The following BUD23 variants were observed in gnomAD, a reference collection of about 807,000 sequenced individuals.
BUD23 encodes BUD23 rRNA methyltransferase and ribosome maturation factor, also known as 18S rRNA (guanine-N(7))-methyltransferase.
A neutral mutation model predicts 47.0 loss-of-function variants in BUD23; 34 were observed. The ratio of observed to expected loss-of-function variants is 0.72; its 90% CI spans 0.55 to 0.96. The LOEUF (loss-of-function observed/expected upper bound fraction) is 0.96. Among genes scored for constraint, BUD23 ranks in the 40% least tolerant of loss-of-function variants. The pLI, the probability that BUD23 is intolerant of heterozygous loss-of-function variation, is 0.00. For synonymous variants in BUD23, 124 were observed against 132.0 expected (o/e 0.94, Z 0.41); for missense variants, 343 against 361.2 (o/e 0.95, Z 0.41).
At chr7:73,697,460 T>TTA in intron 10 of BUD23, 145 bp from the exon 11 acceptor site, 1 of 1,543,200 alleles carries the variant, frequency 6.5e-7, no homozygotes, top group South Asian at 1.2e-5. Flanking sequence ...GGGAATTGTG[T>TTA]TATAGGGAAG....
chr7:73,687,077 C>G lies in BUD23; in HGVS notation c.344C>G (p.Thr115Arg). The change falls in exon 5 of 12, where the codon ACA (threonine) becomes AGA (arginine). Residue 115 changes from threonine to arginine, a missense_variant. Physicochemically the swap from Thr to Arg is moderately conservative, Grantham distance 71 (BLOSUM62 -1). Coordinates refer to ENST00000265758, the MANE Select transcript of BUD23 (RefSeq NM_017528.5). ...CAGGGCATCCCATTCAAGCCAGGCA[C>G]ATTTGATGGTTGCATCAGGTGAGGG... The part of the protein sequence containing the change: ...MGQGIPFKPG[T>R]FDGCISISAV... The G allele has an allele frequency of 6.2e-7, 1 of 1,613,754 alleles. No homozygotes were observed. Among genetic ancestry groups the G allele is most frequent in the South Asian group, 1.1e-5 (1 of 91,044 alleles).
intron 10 of BUD23, chr7:73,695,543 C>T (rs2116705643): frequency 6.6e-6 from 1 of 152,428 alleles, no homozygotes; most frequent in East Asian, 1.9e-4. Context: ...GCCACTGCGC[C>T]TGGCCTCATC....
intron 2 of BUD23, among the ~76,000 whole-genome samples, chr7:73,684,224 G>A (rs1307099538): frequency 1.3e-5 from 2 of 152,080 alleles, no homozygotes; most frequent in Non-Finnish European, 2.9e-5. Flanking sequence ...TTCATAGAGG[G>A]TAGTTTGTAT....
chr7:73,689,658 G>A (rs1352488613), intron 5 of BUD23, among the ~76,000 whole-genome samples: 1 of 152,076 alleles, frequency 6.6e-6, no homozygotes, highest in Non-Finnish European at 1.5e-5. Flanking sequence ...GTGGGAAAGG[G>A]GTCTGAGATG....
intron 5 of BUD23, among the ~76,000 whole-genome samples, chr7:73,688,747 G>A: frequency 6.6e-6 from 1 of 152,160 alleles, no homozygotes; most frequent in African/African-American, 2.4e-5. Context: ...AGAAAATAGG[G>A]GAGGAAGTTA....
Position 73,694,446 on chromosome 7 carries a change from CT to C in BUD23, c.701+397del, listed in dbSNP as rs1201525116. 8.5e-5 allele frequency: 15 copies of C among 175,778 alleles called. 1 individual carries two copies. The South Asian group carries it at 2.6e-3, about 30-fold the overall frequency. 10.9% of individuals were successfully genotyped at this position (175,778 alleles called of 1,614,324 possible). A position where few individuals can be genotyped will look rare whatever the true frequency, so the allele number is the denominator to read the frequency against. ...TCACTGCTGTCGGCACACAGACATG[CT>C]GCACAATTTCTCCTTTTCTAGAAAA... On this transcript the variant is annotated intron_variant, in intron 10 of 11. Transcript: ENST00000265758.
chr7:73,683,840 G>A (rs1554612247), intron 2 of BUD23, 36 bp downstream of exon 2: 9 of 1,614,162 alleles, frequency 5.6e-6, no homozygotes, highest in Middle Eastern at 1.6e-4. Flanking sequence ...GCGTCCGGGG[G>A]TCGGGAAGCG....
rs1798174293 is a variant in BUD23, at chr7:73,691,007, G to C, written c.454G>C (p.Val152Leu). 7.4e-6 allele frequency: 12 copies of C among 1,613,922 alleles called. No homozygotes were observed. Among genetic ancestry groups the C allele is most frequent in the Non-Finnish European group, 1.0e-5 (12 of 1,179,890 alleles). Reference sequence around the variant, plus strand: ...CTGCTTTTTTGCTTCTCTTTTTTCTGTTCTCGTGAGTATAAGATCTTCTCC... The same window carrying C: ...CTGCTTTTTTGCTTCTCTTTTTTCTCTTCTCGTGAGTATAAGATCTTCTCC... Reference protein sequence around the residue: ...LYCFFASLFSVLVRGSRAVLQ... With the variant: ...LYCFFASLFSLLVRGSRAVLQ... Residue 152 changes from valine (V) to leucine (L), a missense_variant, in exon 6 of 12, where the codon GTT (valine) becomes CTT (leucine). Physicochemically the swap from Val to Leu is conservative, Grantham distance 32 (BLOSUM62 1). Transcript: ENST00000265758.
intron 10 of BUD23, chr7:73,697,231 T>C: frequency 1.8e-6 from 1 of 564,564 alleles, no homozygotes. Context: ...AAGCTCCTGC[T>C]GTGAACTGTC....
chr7:73,694,100 T>G (rs782287795), intron 10 of BUD23, 50 bp downstream of exon 10: 9 of 1,574,218 alleles, frequency 5.7e-6, no homozygotes, highest in Non-Finnish European at 6.9e-6. Context: ...GCTGCCACAT[T>G]TGTTAGACAT....
intron 10 of BUD23, chr7:73,696,762 C>T (rs1798418235): frequency 6.6e-6 from 1 of 152,642 alleles, no homozygotes; most frequent in Non-Finnish European, 1.5e-5. Flanking sequence ...GCCTGTTCCT[C>T]CCTTCCTCCT....
chr7:73,686,524 C>G (rs1298707092), intron 2 of BUD23, 112 bp from the exon 3 acceptor site: 4 of 916,352 alleles, frequency 4.4e-6, no homozygotes, highest in Non-Finnish European at 6.9e-6. Context: ...ATGATTGATC[C>G]GTTTTTTGTT....
rs782098612 is a variant in BUD23 at position 73,683,788 on chromosome 7, C to G, written c.70C>G (p.Arg24Gly). 6.8e-6 allele frequency: 11 copies of G among 1,614,028 alleles called. No individual in the cohort carries two copies. The South Asian group carries it at 1.2e-4, about 18-fold the overall frequency. The part of the protein sequence containing the change: ...PELFYDETEA[R>G]KYVRNSRMID... ...GCAGTTTTATGACGAGACAGAAGCC[C>G]GGAAATACGTTCGCAAGTGAGGGGA... The change falls in exon 2 of 12, where the codon CGG (arginine) becomes GGG (glycine). Residue 24 changes from arginine to glycine, a missense_variant. Physicochemically the swap from Arg to Gly is moderately radical, Grantham distance 125. Transcript: ENST00000265758.
intron 2 of BUD23, 197 bp downstream of exon 2, chr7:73,684,001 G>A: frequency 1.4e-6 from 2 of 1,450,802 alleles, no homozygotes; most frequent in Non-Finnish European, 1.8e-6. Context: ...CAGCGTTGAG[G>A]TAGGGGTGAT....
chr7:73,687,235 C>A, intron 5 of BUD23, 140 bp downstream of exon 5: 1 of 878,700 alleles, frequency 1.1e-6, no homozygotes, highest in Non-Finnish European at 1.7e-6. Context: ...CCACCTCAGT[C>A]TCCTGAGTAG....
At position 73,697,649 on chromosome 7, in the gene BUD23, G is replaced by A. The variant is rs370514850; in HGVS notation, c.746G>A (p.Arg249Gln). ...AGGCGGGGAATGGTGAGGAAGAGTC[G>A]GGCATGGGTGCTGGAGAAGAAGGAG... is the stretch of plus-strand genomic sequence containing the variant. Reference protein sequence around the residue: ...MSRRGMVRKSRAWVLEKKERH... With the variant: ...MSRRGMVRKSQAWVLEKKERH... Residue 249 changes from arginine to glutamine, a missense_variant, in exon 11 of 12, where the codon CGG becomes CAG. Transcript: ENST00000265758. 1.2e-5 allele frequency: 20 copies of A among 1,613,538 alleles called. No homozygotes were observed. The African/African-American group carries it at 1.6e-4, about 13-fold the overall frequency.
At chr7:73,695,012 G>A (rs1446577519) in intron 10 of BUD23, 1 of 152,362 alleles carries the variant, frequency 6.6e-6, no homozygotes, top group Admixed American at 6.5e-5. Flanking sequence ...GTGCAGTGGT[G>A]GAATCTTAGC....
chr7:73,689,684 A>G (rs1371715700), intron 5 of BUD23, among the ~76,000 whole-genome samples: 1 of 152,096 alleles, frequency 6.6e-6, no homozygotes, highest in East Asian at 1.9e-4. Context: ...GATGAACGAG[A>G]GATTCCACGG....
At chr7:73,695,235 A>C (rs1798355282) in intron 10 of BUD23, 1 of 149,422 alleles carries the variant, frequency 6.7e-6, no homozygotes, top group Non-Finnish European at 1.5e-5. Context: ...GACTGATGTG[A>C]GCCACCATGC....
Sources: allele counts gnomAD v4.1 joint callset (sites outside exome capture counted in the v4.1 genomes callset), GRCh38; gene constraint gnomAD v4.1.1; transcripts MANE v1.5; gene names NCBI Gene and HGNC (gene_info 2026-07-23, HGNC 2026-07-21).